Variants in EIF3L observed in about 807,000 individuals in gnomAD.
The protein encoded by EIF3L is eukaryotic translation initiation factor 3 subunit L.
A neutral mutation model predicts 74.6 loss-of-function variants in EIF3L; 32 were observed. The observed-to-expected ratio is 0.43, with a 90% confidence interval of 0.32 to 0.58. The LOEUF is 0.58. Among genes scored for constraint, EIF3L ranks in the 20% least tolerant of loss-of-function variants. The probability of loss-of-function intolerance (pLI) is 0.06; values close to 1 mark genes in which losing one functional copy is unlikely to be tolerated. For missense variants in EIF3L, 474 were observed against 707.8 expected (o/e 0.67, Z 3.75); for synonymous variants, 256 against 254.4 (o/e 1.01, Z -0.06).
chr22:37,852,008 T>C (rs1433104161), intron 3 of EIF3L, among the ~76,000 whole-genome samples: 1 of 152,062 alleles, frequency 6.6e-6, no homozygotes, highest in Non-Finnish European at 1.5e-5. Flanking sequence ...TTCATCATGT[T>C]GGCCAGGCTG....
At chr22:37,869,398 T>A (rs1048756168) in intron 7 of EIF3L, among the ~76,000 whole-genome samples, 1 of 152,178 alleles carries the variant, frequency 6.6e-6, no homozygotes, top group African/African-American at 2.4e-5. Flanking sequence ...CCCAAAGTGC[T>A]GGGTTTACAG....
chr22:37,867,954 C>CAA (rs540704187), intron 7 of EIF3L, among the ~76,000 whole-genome samples: 5 of 60,710 alleles, frequency 8.2e-5, no homozygotes, highest in African/African-American at 1.9e-4. Context: ...GACTCCATCT[C>CAA]AAAAAAAAAA....
chr22:37,883,113 A>G (rs1927136427), intron 11 of EIF3L: 1 of 152,124 alleles, frequency 6.6e-6, no homozygotes, highest in African/African-American at 2.4e-5. Context: ...CCTGACCAAC[A>G]TGAAGAAACC....
intron 7 of EIF3L, among the ~76,000 whole-genome samples, chr22:37,869,140 G>A (rs1325950255): frequency 6.6e-6 from 1 of 151,948 alleles, no homozygotes; most frequent in Non-Finnish European, 1.5e-5. Flanking sequence ...ATAATTTTTT[G>A]TGTTTTGAGA....
rs1307416353 is a variant in EIF3L, at chr22:37,875,571, A to T, written c.907-270A>T. On this transcript the variant is annotated intron_variant, in intron 9 of 12. Coordinates refer to ENST00000652021, the MANE Select transcript of EIF3L (RefSeq NM_016091.4). ...CTTAATTGAAAAAGCAAGGAAAAAT[A>T]ACAAAACTGAGATGTATAGCATTTT... Among the ~76,000 whole-genome samples the T allele has an allele frequency of 7.2e-5, 11 of 152,196 alleles. No homozygotes were observed. The East Asian group carries it at 1.9e-3, about 27-fold the overall frequency.
intron 11 of EIF3L, chr22:37,880,260 C>G (rs896218748): frequency 6.6e-6 from 1 of 151,626 alleles, no homozygotes; most frequent in Non-Finnish European, 1.5e-5. Context: ...CTACAGACAC[C>G]CGCCACCACA....
At chr22:37,866,931 C>T (rs969451569) in intron 7 of EIF3L, among the ~76,000 whole-genome samples, 2 of 152,158 alleles carry the variant, frequency 1.3e-5, no homozygotes, top group Non-Finnish European at 2.9e-5. Flanking sequence ...GATAAAAGAA[C>T]GTTTCAATCA....
rs140416715 is a variant in EIF3L, at chr22:37,850,156, C to T, written c.82+93C>T. 8.1e-4 allele frequency: 1,154 copies of T among 1,424,328 alleles called. 1 individual carries two copies. Among genetic ancestry groups the T allele is most frequent in the Middle Eastern group, 5.4e-3 (30 of 5,552 alleles). 88.2% of individuals were successfully genotyped at this position (1,424,328 alleles called of 1,614,324 possible). ...GCTCTGACAGGCATCAAAAATTGCT[C>T]TTTGATGGTCCAGGTTTGGAGTCAG... On this transcript the variant is annotated intron_variant, in intron 2 of 12. Transcript: ENST00000652021.
At chr22:37,861,065 C>T (rs960987259) in intron 5 of EIF3L, among the ~76,000 whole-genome samples, 61 of 152,224 alleles carry the variant, frequency 4.0e-4, no homozygotes, top group Middle Eastern at 3.4e-3. Flanking sequence ...TTAACTCCAC[C>T]GGGGTATGTG....
chr22:37,883,204 G>C (rs1006469249), intron 11 of EIF3L: 3 of 150,518 alleles, frequency 2.0e-5, no homozygotes, highest in Non-Finnish European at 2.9e-5. Flanking sequence ...GCTGAGGCAG[G>C]AGAATTGCTT....
intron 12 of EIF3L, chr22:37,887,566 A>G (rs1474077525): frequency 6.6e-6 from 1 of 152,368 alleles, no homozygotes; most frequent in Non-Finnish European, 1.5e-5. Flanking sequence ...CCACTGCAAA[A>G]GAAAGCTTGA....
intron 7 of EIF3L, among the ~76,000 whole-genome samples, chr22:37,867,859 G>C (rs1279646640): frequency 6.6e-6 from 1 of 150,486 alleles, no homozygotes; most frequent in Non-Finnish European, 1.5e-5. Flanking sequence ...GGAGGCTGAG[G>C]CAGGAGAATG....
At chr22:37,863,465 C>T (rs1925970932) in intron 7 of EIF3L, 120 bp downstream of exon 7, 3 of 784,370 alleles carry the variant, frequency 3.8e-6, no homozygotes, top group Non-Finnish European at 6.1e-6. Flanking sequence ...TGTAAAATAC[C>T]CCATGGCAGT....
intron 2 of EIF3L, 54 bp from the exon 3 acceptor site, chr22:37,851,226 C>T (rs987579357): frequency 1.5e-5 from 23 of 1,522,146 alleles, no homozygotes; most frequent in Admixed American, 7.0e-5. Context: ...CCATTTCGTT[C>T]TATCATATAT....
At chr22:37,852,008 TG>T (rs1925252730) in intron 3 of EIF3L, among the ~76,000 whole-genome samples, 2 of 152,180 alleles carry the variant, frequency 1.3e-5, no homozygotes, top group Admixed American at 1.3e-4. Context: ...TTCATCATGT[TG>T]GCCAGGCTGG....
intron 3 of EIF3L, among the ~76,000 whole-genome samples, chr22:37,852,788 G>A (rs1925295772): frequency 6.6e-6 from 1 of 152,094 alleles, no homozygotes; most frequent in Non-Finnish European, 1.5e-5. Flanking sequence ...AGGTTGAGCT[G>A]AGAGATCAGC....
chr22:37,885,572 T>C (rs1469630524), intron 11 of EIF3L: 1 of 152,024 alleles, frequency 6.6e-6, no homozygotes, highest in Non-Finnish European at 1.5e-5. Context: ...GTTCAAAATA[T>C]TTTCAGCTAA....
At chr22:37,868,464 TC>T (rs1035668684) in intron 7 of EIF3L, among the ~76,000 whole-genome samples, 1 of 148,796 alleles carries the variant, frequency 6.7e-6, no homozygotes, top group African/African-American at 2.5e-5. Flanking sequence ...TCTTTTTTTT[TC>T]CCCCCTAAGG....
chr22:37,849,456 T>C lies in EIF3L; in HGVS notation c.7T>C (p.Tyr3His), dbSNP rs1482437483. The change falls in exon 1 of 13, where the codon TAT becomes CAT. Residue 3 changes from tyrosine to histidine, a missense_variant. Transcript: ENST00000652021. The part of the protein sequence containing the change: MS[Y>H]PADDYESEAA... The stretch of plus-strand genomic sequence containing the variant: ...GCTCGCAAGCGAGGCAGCCATGTCT[T>C]ATCCCGCTGATGATTATGAGTCTGA... The C allele has an allele frequency of 5.6e-6, 9 of 1,612,718 alleles. No individual in the cohort carries two copies. Among genetic ancestry groups the C allele is most frequent in the Non-Finnish European group, 7.6e-6 (9 of 1,179,334 alleles).
Sources: gnomAD v4.1 joint callset for allele counts (sites outside exome capture counted in the v4.1 genomes callset) on GRCh38, gnomAD v4.1.1 for gene constraint, MANE v1.5 for transcripts, NCBI Gene and HGNC (gene_info 2026-07-23, HGNC 2026-07-21) for gene names.